Variants in PLCE1 observed in about 807,000 individuals in gnomAD.
PLCE1 encodes the protein 1-phosphatidylinositol 4,5-bisphosphate phosphodiesterase epsilon-1.
Under a neutral mutation model 242.8 loss-of-function variants are expected in PLCE1, and 119 were observed. The observed-to-expected ratio is 0.49, with a 90% CI of 0.42 to 0.57. The LOEUF is 0.57. PLCE1 is among the 20% of genes least tolerant of loss of function. The probability of loss-of-function intolerance (pLI) is 0.00; values close to 1 mark genes in which losing one functional copy is unlikely to be tolerated. For missense variants in PLCE1, 2,441 were observed against 2,788.8 expected, an observed-to-expected ratio of 0.88 and a Z score of 2.81; for synonymous variants, 945 against 1,017.4, an observed-to-expected ratio of 0.93 and a Z score of 1.35.
intron 1 of PLCE1, among the ~76,000 whole-genome samples, chr10:94,011,857 C>T (rs1417339736): frequency 6.6e-6 from 1 of 152,112 alleles, no homozygotes; most frequent in Non-Finnish European, 1.5e-5. Flanking sequence ...TTCTTTCCCT[C>T]TCTCCCTCTG....
At chr10:94,132,024 G>C in intron 2 of PLCE1, 150 bp from the exon 3 acceptor site, 1 of 706,980 alleles carries the variant, frequency 1.4e-6, no homozygotes, top group Admixed American at 2.2e-5. Flanking sequence ...AGAATGTTCA[G>C]GTTAATGCAT....
intron 2 of PLCE1, among the ~76,000 whole-genome samples, chr10:94,041,684 T>G (rs2061770124): frequency 6.6e-6 from 1 of 152,126 alleles, no homozygotes; most frequent in Non-Finnish European, 1.5e-5. Flanking sequence ...ATTTTCCACA[T>G]GGACTGGAGG....
intron 2 of PLCE1, among the ~76,000 whole-genome samples, chr10:94,096,089 G>A (rs576573958): frequency 6.6e-6 from 1 of 152,216 alleles, no homozygotes; most frequent in African/African-American, 2.4e-5. Context: ...GGCTTCAAAA[G>A]CAAGGACCCC....
chr10:94,014,079 A>G (rs75707075), intron 1 of PLCE1, among the ~76,000 whole-genome samples: 3,219 of 152,220 alleles, frequency 0.021, 50 homozygotes, highest in Non-Finnish European at 0.028. Flanking sequence ...CTGAGTATAC[A>G]CAGCCAGCTC....
Position 94,268,917 on chromosome 10 carries a change from T to C in PLCE1, c.4282-12T>C, listed in dbSNP as rs748853219. Reference sequence around the variant, plus strand: ...TGCTCACCTGGGGTGGATTCGCTCATTGATCACACAGGTCCTTTTGCAAGG... The same window carrying C: ...TGCTCACCTGGGGTGGATTCGCTCACTGATCACACAGGTCCTTTTGCAAGG... On this transcript the variant is annotated splice_polypyrimidine_tract_variant and intron_variant, in intron 16 of 32. Transcript: ENST00000371380. 7 of 1,552,758 alleles carry C rather than the reference T, an allele frequency of 4.5e-6. No individual in the cohort carries two copies. The highest frequency in any genetic ancestry group is 5.3e-6 in the Non-Finnish European group (6 of 1,124,492).
At chr10:94,179,267 T>G (rs2048219841) in intron 4 of PLCE1, among the ~76,000 whole-genome samples, 1 of 152,124 alleles carries the variant, frequency 6.6e-6, no homozygotes, top group Admixed American at 6.6e-5. Context: ...TAGATGGCAC[T>G]TCCATCCTGA....
At chr10:94,137,044 T>A (rs2046800951) in intron 3 of PLCE1, among the ~76,000 whole-genome samples, 1 of 152,026 alleles carries the variant, frequency 6.6e-6, no homozygotes, top group Non-Finnish European at 1.5e-5. Context: ...TACAAAAAAA[T>A]TAGCCGGGTA....
intron 8 of PLCE1, among the ~76,000 whole-genome samples, chr10:94,249,937 TG>T (rs968056616): frequency 1.3e-5 from 2 of 151,630 alleles, no homozygotes; most frequent in African/African-American, 2.4e-5. Context: ...TATCTTTACG[TG>T]GGGGAAAAAA....
chr10:94,107,323 T>C (rs558037116), intron 2 of PLCE1, among the ~76,000 whole-genome samples: 1 of 152,114 alleles, frequency 6.6e-6, no homozygotes, highest in Non-Finnish European at 1.5e-5. Flanking sequence ...GTTGCTGAAC[T>C]CCTCCTTCAT....
At chr10:94,079,376 C>A (rs1036558152) in intron 2 of PLCE1, among the ~76,000 whole-genome samples, 8 of 152,054 alleles carry the variant, frequency 5.3e-5, no homozygotes, top group African/African-American at 1.9e-4. Context: ...ATATTTATTT[C>A]TTTTGGTTTA....
At position 94,184,956 on chromosome 10, in the gene PLCE1, T is replaced by G. The variant is rs1369891615; in HGVS notation, c.1809+13460T>G. Among the ~76,000 whole-genome samples the G allele has an allele frequency of 2.6e-5, 4 of 152,250 alleles. No individual in the cohort carries two copies. The East Asian group carries it at 7.7e-4, about 29-fold the overall frequency. On this transcript the variant is annotated intron_variant, in intron 4 of 32. Coordinates refer to ENST00000371380, the MANE Select transcript of PLCE1 (RefSeq NM_016341.4). ...ATATAGTAGATGTGTAATAGTATTT[T>G]ATGAATAATGCTAATTAGTGTAAAT... is the stretch of plus-strand genomic sequence containing the variant.
rs1295236206 is a variant in PLCE1 at position 94,294,416 on chromosome 10, T to G, written c.5167+777T>G. ...GAAGTAACCACTATTAAATTTATTGTGTTTTGTTCAAGAAAAATAAGATCC... is the reference window on the plus strand; with the variant it reads ...GAAGTAACCACTATTAAATTTATTGGGTTTTGTTCAAGAAAAATAAGATCC... On this transcript the variant is annotated intron_variant, in intron 23 of 32. Transcript: ENST00000371380. Among the ~76,000 whole-genome samples, 4 of 152,338 alleles carry G rather than the reference T, an allele frequency of 2.6e-5. No individual in the cohort carries two copies. In the East Asian group the frequency reaches 7.7e-4, roughly 29 times the overall value.
intron 2 of PLCE1, among the ~76,000 whole-genome samples, chr10:94,048,989 C>A (rs2043687450): frequency 6.6e-6 from 1 of 151,906 alleles, no homozygotes; most frequent in African/African-American, 2.4e-5. Context: ...GTCTTGAACT[C>A]CTGAGCTCAA....
Position 94,057,259 on chromosome 10 carries a change from C to T in PLCE1, c.1206+25007C>T, listed in dbSNP as rs1000572643. On this transcript the variant is annotated intron_variant, in intron 2 of 32. Transcript: ENST00000371380. The stretch of plus-strand genomic sequence containing the variant: ...TTTTTAAAAAATGGCTGCACTTTTT[C>T]GTTTTCATAGGCTGTTTTTTCATCT... Among the ~76,000 whole-genome samples the T allele has an allele frequency of 9.2e-5, 14 of 152,046 alleles. No individual in the cohort carries two copies. The East Asian group carries it at 1.5e-3, about 17-fold the overall frequency.
chr10:94,272,516 A>G (rs2051784970), intron 18 of PLCE1, among the ~76,000 whole-genome samples: 1 of 152,202 alleles, frequency 6.6e-6, no homozygotes, highest in Admixed American at 6.5e-5. Context: ...CAATTTGTAC[A>G]ATAGTGGTCC....
intron 4 of PLCE1, among the ~76,000 whole-genome samples, chr10:94,178,104 C>G (rs1270615927): frequency 1.3e-5 from 2 of 152,184 alleles, no homozygotes; most frequent in Non-Finnish European, 2.9e-5. Context: ...ATCACACAAG[C>G]AAATTTTTGA....
chr10:94,299,451 G>A (rs1263345304), intron 24 of PLCE1, among the ~76,000 whole-genome samples: 1 of 152,214 alleles, frequency 6.6e-6, no homozygotes, highest in Non-Finnish European at 1.5e-5. Context: ...AATTCAAGGA[G>A]TCTGGAAGTT....
At chr10:94,255,920 T>A (rs761362096) in intron 11 of PLCE1, among the ~76,000 whole-genome samples, 4,452 of 51,862 alleles carry the variant, frequency 0.086, 68 homozygotes, top group Non-Finnish European at 0.1. Context: ...ACACACTCTC[T>A]CTCTCTCTCT....
At chr10:94,123,056 A>C (rs1424965054) in intron 2 of PLCE1, among the ~76,000 whole-genome samples, 1 of 152,190 alleles carries the variant, frequency 6.6e-6, no homozygotes, top group African/African-American at 2.4e-5. Context: ...TCCCTGTTCC[A>C]GTGGGGAAAT....
Sources: allele counts gnomAD v4.1 joint callset (sites outside exome capture counted in the v4.1 genomes callset), GRCh38; gene constraint gnomAD v4.1.1; transcripts MANE v1.5; gene names NCBI Gene and HGNC (gene_info 2026-07-23, HGNC 2026-07-21).